The following NRXN3 variants were observed in gnomAD, a reference collection of about 807,000 sequenced individuals.
The protein encoded by NRXN3 is neurexin 3.
Under a neutral mutation model 137.6 loss-of-function variants are expected in NRXN3, and 32 were observed. The observed-to-expected ratio is 0.23, with a 90% CI of 0.18 to 0.31. The LOEUF (loss-of-function observed/expected upper bound fraction) is 0.31, where lower values mean the gene tolerates loss of function less well. Ranked by LOEUF, NRXN3 falls within the 10% of genes least tolerant of loss-of-function variation. NRXN3 has a pLI of 1.00. For synonymous variants in NRXN3, 798 were observed against 784.5 expected, an observed-to-expected ratio of 1.02 and a Z score of -0.29; for missense variants, 1,574 against 2,062.5, an observed-to-expected ratio of 0.76 and a Z score of 4.59.
chr14:79,723,518 T>A (rs963339191), intron 19 of NRXN3, among the ~76,000 whole-genome samples: 30 of 152,232 alleles, frequency 2.0e-4, no homozygotes, highest in African/African-American at 7.0e-4. Context: ...TCTGTGCTAT[T>A]AATAACCTGA....
At chr14:78,717,357 C>A (rs2098438702) in intron 8 of NRXN3, among the ~76,000 whole-genome samples, 1 of 152,130 alleles carries the variant, frequency 6.6e-6, no homozygotes, top group Admixed American at 6.5e-5. Context: ...ATATGAGGGA[C>A]AATTATTCTT....
intron 3 of NRXN3, among the ~76,000 whole-genome samples, chr14:78,293,807 A>C (rs1021942751): frequency 8.5e-5 from 13 of 152,234 alleles, no homozygotes; most frequent in African/African-American, 1.9e-4. Context: ...TCTTAGGATC[A>C]TCTTTCCCTT....
intron 4 of NRXN3, among the ~76,000 whole-genome samples, chr14:78,333,816 T>A (rs1284777921): frequency 6.6e-6 from 1 of 152,066 alleles, no homozygotes. Flanking sequence ...GAGGGTTCTG[T>A]GTAGAGAATC....
intron 4 of NRXN3, among the ~76,000 whole-genome samples, chr14:78,311,532 TTG>T (rs1445042653): frequency 6.6e-6 from 1 of 152,154 alleles, no homozygotes; most frequent in Non-Finnish European, 1.5e-5. Context: ...TATGAGATTT[TTG>T]TGTGTGTGAA....
chr14:79,049,863 T>C (rs1201722698), intron 15 of NRXN3, among the ~76,000 whole-genome samples: 5 of 151,808 alleles, frequency 3.3e-5, no homozygotes, highest in African/African-American at 1.2e-4. Flanking sequence ...ATGTATATCA[T>C]ATATATATTT....
chr14:79,085,061 A>C (rs879264819), intron 15 of NRXN3, among the ~76,000 whole-genome samples: 6 of 152,040 alleles, frequency 3.9e-5, no homozygotes, highest in Non-Finnish European at 8.8e-5. Context: ...TCCTGGTTAA[A>C]CTTGGGAAAC....
chr14:78,887,943 G>A (rs895820785), intron 10 of NRXN3, among the ~76,000 whole-genome samples: 15 of 152,044 alleles, frequency 9.9e-5, no homozygotes, highest in Admixed American at 5.2e-4. Flanking sequence ...TTGTCCTGTT[G>A]CCTCTGACTT....
intron 15 of NRXN3, among the ~76,000 whole-genome samples, chr14:78,998,720 T>C (rs1177882167): frequency 6.7e-6 from 1 of 149,896 alleles, no homozygotes; most frequent in African/African-American, 2.5e-5. Context: ...TGCCTCAGCC[T>C]CCTGAATAAC....
At chr14:79,578,385 G>T (rs901162809) in intron 16 of NRXN3, among the ~76,000 whole-genome samples, 4 of 152,110 alleles carry the variant, frequency 2.6e-5, no homozygotes, top group Non-Finnish European at 4.4e-5. Context: ...TTGGGTGGGT[G>T]CTTCAGCACA....
chr14:78,482,879 A>ATTG (rs1467546836), intron 4 of NRXN3, among the ~76,000 whole-genome samples: 10 of 152,138 alleles, frequency 6.6e-5, no homozygotes, highest in Non-Finnish European at 1.3e-4. Context: ...ATTGGTTACT[A>ATTG]GTCAATCTGG....
chr14:79,729,711 G>A (rs2154070750), intron 19 of NRXN3, among the ~76,000 whole-genome samples: 1 of 152,262 alleles, frequency 6.6e-6, no homozygotes, highest in East Asian at 1.9e-4. Context: ...TCCTTCCTCA[G>A]CTTCTCCCAG....
chr14:78,738,467 C>T (rs2098550598), intron 8 of NRXN3, among the ~76,000 whole-genome samples: 2 of 152,148 alleles, frequency 1.3e-5, no homozygotes, highest in South Asian at 2.1e-4. Flanking sequence ...CTCTCAGACC[C>T]CACCCTCAGG....
intron 5 of NRXN3, among the ~76,000 whole-genome samples, chr14:78,645,895 C>T (rs2097682543): frequency 6.6e-6 from 1 of 152,044 alleles, no homozygotes; most frequent in African/African-American, 2.4e-5. Flanking sequence ...AAAAGTCTTC[C>T]TTTTCCTCTT....
chr14:79,624,759 G>C (rs1391858991), intron 16 of NRXN3, among the ~76,000 whole-genome samples: 2 of 149,850 alleles, frequency 1.3e-5, no homozygotes, highest in Non-Finnish European at 2.9e-5. Flanking sequence ...TTAGGAGTGA[G>C]ATCAAACTCT....
intron 4 of NRXN3, among the ~76,000 whole-genome samples, chr14:78,304,612 TA>T (rs2077184711): frequency 6.6e-6 from 1 of 152,180 alleles, no homozygotes; most frequent in East Asian, 1.9e-4. Flanking sequence ...CTAGTCCATT[TA>T]GGGATTGCCC....
At chr14:79,799,001 T>A (rs2099168930) in intron 19 of NRXN3, among the ~76,000 whole-genome samples, 1 of 152,164 alleles carries the variant, frequency 6.6e-6, no homozygotes, top group Non-Finnish European at 1.5e-5. Context: ...TAAATTTACT[T>A]GGGTGGACAG....
chr14:78,713,826 C>G (rs536290028), intron 7 of NRXN3, among the ~76,000 whole-genome samples: 121 of 152,306 alleles, frequency 7.9e-4, no homozygotes, highest in African/African-American at 2.8e-3. Context: ...ATCATGAGAA[C>G]AACATGGAGG....
chr14:79,798,326 C>G (rs2099167107), intron 19 of NRXN3, among the ~76,000 whole-genome samples: 1 of 152,154 alleles, frequency 6.6e-6, no homozygotes, highest in Non-Finnish European at 1.5e-5. Context: ...AATGAACATT[C>G]ATAATGAAGC....
chr14:79,477,456 T>C (rs1159075870), intron 16 of NRXN3, among the ~76,000 whole-genome samples: 1 of 152,126 alleles, frequency 6.6e-6, no homozygotes, highest in African/African-American at 2.4e-5. Flanking sequence ...TGAATATTTA[T>C]AACCTATGGA....
Sources: gnomAD v4.1 joint callset for allele counts (sites outside exome capture counted in the v4.1 genomes callset) on GRCh38, gnomAD v4.1.1 for gene constraint, MANE v1.5 for transcripts, NCBI Gene and HGNC (gene_info 2026-07-23, HGNC 2026-07-21) for gene names.